ZC3H7A: variants seen among roughly 807,000 people sequenced by gnomAD.
ZC3H7A encodes zinc finger CCCH domain-containing protein 7A.
Under a neutral mutation model 125.5 loss-of-function variants are expected in ZC3H7A, and 44 were observed. The observed-to-expected ratio is 0.35, with a 90% confidence interval of 0.28 to 0.45. The LOEUF (loss-of-function observed/expected upper bound fraction) is 0.45. Among genes scored for constraint, ZC3H7A ranks in the 20% least tolerant of loss-of-function variants. The pLI is 1.00. For synonymous variants in ZC3H7A, 399 were observed against 391.2 expected (o/e 1.02, Z -0.23); for missense variants, 977 against 1,170.7 (o/e 0.83, Z 2.41).
At chr16:11,763,103 A>T in intron 16 of ZC3H7A, 1 of 256,184 alleles carries the variant, frequency 3.9e-6, no homozygotes, top group Non-Finnish European at 7.4e-6. Flanking sequence ...AGGTCTCCAA[A>T]TTCCTTTTTG....
At position 11,765,731 on chromosome 16, in the gene ZC3H7A, C is replaced by T. The variant is rs751247526; in HGVS notation, c.1523-46G>A. ...CAGACATTGAAAACATGGCAATTGG[C>T]CTGTACTCCCAGCTACTTGGGAGGC... is the stretch of plus-strand genomic sequence containing the variant. On this transcript the variant is annotated intron_variant, in intron 13 of 22. Coordinates refer to ENST00000355758, the MANE Select transcript of ZC3H7A (RefSeq NM_014153.4). This position sits in a 1 kb window ranked among gnomAD's most constrained non-coding sequence, Gnocchi z 4.8. The T allele has an allele frequency of 1.9e-5, 29 of 1,564,692 alleles. No homozygotes were observed. The highest frequency in any genetic ancestry group is 2.3e-5 in the Non-Finnish European group (27 of 1,150,454).
rs137889440 is a variant in ZC3H7A, at chr16:11,780,380, G to A, written c.109-1017C>T. Among the ~76,000 whole-genome samples, 520 of 151,954 alleles carry A rather than the reference G, an allele frequency of 3.4e-3. 3 individuals carry two copies. Among genetic ancestry groups the A allele is most frequent in the African/African-American group, 0.011 (467 of 41,440 alleles). On this transcript the variant is annotated intron_variant, in intron 3 of 22. Coordinates refer to ENST00000355758, the MANE Select transcript of ZC3H7A (RefSeq NM_014153.4). Reference sequence around the variant, plus strand: ...AAGTGATCCGCCTGCTTCAGCCTCCGAAAATGCTGGGATTACAGGTGTGAG... The same window carrying A: ...AAGTGATCCGCCTGCTTCAGCCTCCAAAAATGCTGGGATTACAGGTGTGAG...
intron 1 of ZC3H7A, among the ~76,000 whole-genome samples, chr16:11,794,745 T>C (rs1303427777): frequency 6.6e-6 from 1 of 152,254 alleles, no homozygotes; most frequent in African/African-American, 2.4e-5. Context: ...AGAGTTTCTA[T>C]AATTGATTCT....
chr16:11,791,535 C>T (rs1461604954), intron 1 of ZC3H7A, among the ~76,000 whole-genome samples: 1 of 152,154 alleles, frequency 6.6e-6, no homozygotes, highest in Non-Finnish European at 1.5e-5. Flanking sequence ...ATTGTAAGAA[C>T]AAGATCTGGG....
At chr16:11,767,270 G>C (rs2052876383) in intron 13 of ZC3H7A, 147 bp downstream of exon 13, 1 of 621,514 alleles carries the variant, frequency 1.6e-6, no homozygotes, top group Admixed American at 3.9e-5. Context: ...TAGGTGCGTC[G>C]TCGGCTACAC....
Position 11,751,419 on chromosome 16 carries a change from A to T in ZC3H7A, c.2814T>A (p.Asp938Glu). 6.2e-7 allele frequency: 1 copy of T among 1,614,178 alleles called. No individual in the cohort carries two copies. Among genetic ancestry groups the T allele is most frequent in the South Asian group, 1.1e-5 (1 of 91,080 alleles). ...AELHEWEERRDALKMKLNKAR... is the reference protein window; with the variant it reads ...AELHEWEERREALKMKLNKAR... Reference sequence around the variant, plus strand: ...CTTTGTTGAGCTTCATCTTTAGGGCATCTCTTCTTTCTTCCCATTCATGAA... The same window carrying T: ...CTTTGTTGAGCTTCATCTTTAGGGCTTCTCTTCTTTCTTCCCATTCATGAA... Residue 938 changes from aspartate to glutamate, a missense_variant, in exon 23 of 23, where the codon GAT becomes GAA. Coordinates refer to ENST00000355758, the MANE Select transcript of ZC3H7A (RefSeq NM_014153.4).
At chr16:11,781,506 T>C (rs773025415) in intron 2 of ZC3H7A, 42 bp from the exon 3 acceptor site, 2 of 1,594,736 alleles carry the variant, frequency 1.3e-6, no homozygotes, top group Non-Finnish European at 8.6e-7. Context: ...TCAAGCTCCT[T>C]ATCGGGACCT....
Position 11,765,374 on chromosome 16 carries a change from T to C in ZC3H7A, c.1719+115A>G, listed in dbSNP as rs2052837520. On this transcript the variant is annotated intron_variant, in intron 14 of 22. Transcript: ENST00000355758. The surrounding 1 kb of genome is among the most constrained non-coding windows in gnomAD (Gnocchi z 4.8). ...CATAAATATGATATTATTTATCATA[T>C]AAATAAATGAATATTTATTCATTTA... 6 of 695,840 alleles carry C rather than the reference T, an allele frequency of 8.6e-6. No homozygotes were observed. Among genetic ancestry groups the C allele is most frequent in the Non-Finnish European group, 1.3e-5 (6 of 456,158 alleles). The allele number at this position is 695,840 out of a possible 1,614,324, so 43.1% of individuals were successfully genotyped here.
rs1447932587 is a variant in ZC3H7A, at chr16:11,779,188, C to T, written c.284G>A (p.Arg95His). Residue 95 changes from arginine (R) to histidine (H), a missense_variant, in exon 4 of 23, where the codon CGT (arginine) becomes CAT (histidine). This residue lies in a region of ZC3H7A where 199 missense variants were observed against 256.1 expected (regional missense o/e 0.78). Coordinates refer to ENST00000355758, the MANE Select transcript of ZC3H7A (RefSeq NM_014153.4). ...KEIIEKLYIN[R>H]IACYSNMGFH... ...CACCATATTAGAATAGCAGGCAATA[C>T]GATTTATATATAGTTTTTCAATTAT... 1.2e-6 allele frequency: 2 copies of T among 1,601,982 alleles called. No individual in the cohort carries two copies. The highest frequency in any genetic ancestry group is 2.7e-5 in the African/African-American group (2 of 74,496).
In ZC3H7A at chr16:11,790,633, A is replaced by G. The variant is rs556912454; in HGVS notation, c.-35+6491T>C. Reference sequence around the variant, plus strand: ...CGGCTCATTGCAACCTCCGCCTCCCAGGTTCAAGCGATTCTTCTGCCTCAG... The same window carrying G: ...CGGCTCATTGCAACCTCCGCCTCCCGGGTTCAAGCGATTCTTCTGCCTCAG... On this transcript the variant is annotated intron_variant, in intron 1 of 22. Transcript: ENST00000355758. Among the ~76,000 whole-genome samples, 22 of 151,614 alleles carry G rather than the reference A, an allele frequency of 1.5e-4. No homozygotes were observed. The South Asian group carries it at 4.5e-3, about 31-fold the overall frequency.
intron 1 of ZC3H7A, among the ~76,000 whole-genome samples, chr16:11,791,911 G>GT (rs966373066): frequency 6.6e-6 from 1 of 152,098 alleles, no homozygotes. Flanking sequence ...AAGGCACTTT[G>GT]TTTTTTTGTT....
intron 9 of ZC3H7A, among the ~76,000 whole-genome samples, 156 bp downstream of exon 9, chr16:11,774,080 C>G (rs1478167828): frequency 2.0e-5 from 3 of 151,568 alleles, no homozygotes; most frequent in African/African-American, 7.3e-5. Context: ...TCAAATTAAC[C>G]AGTTTCAGTA....
At chr16:11,771,102 A>G in intron 9 of ZC3H7A, 115 bp from the exon 10 acceptor site, 1 of 1,094,994 alleles carries the variant, frequency 9.1e-7, no homozygotes, top group Non-Finnish European at 1.3e-6. Flanking sequence ...ACGTTACATA[A>G]CAAAGTTTAG....
chr16:11,786,273 G>C (rs1350880676), intron 1 of ZC3H7A, among the ~76,000 whole-genome samples: 1 of 152,184 alleles, frequency 6.6e-6, no homozygotes, highest in East Asian at 1.9e-4. Flanking sequence ...ACCCAGAGTA[G>C]TATGCAGGAT....
chr16:11,762,978 G>C (rs1343754696), intron 16 of ZC3H7A: 1 of 447,976 alleles, frequency 2.2e-6, no homozygotes, highest in African/African-American at 2.0e-5. Flanking sequence ...GTATCAACTT[G>C]TATCAGTAAT....
intron 5 of ZC3H7A, 32 bp downstream of exon 5, chr16:11,776,719 C>G (rs776613441): frequency 6.4e-7 from 1 of 1,569,778 alleles, no homozygotes; most frequent in Non-Finnish European, 8.6e-7. Flanking sequence ...TAAATGGTTA[C>G]GATGTAAACA....
At position 11,790,385 on chromosome 16, in the gene ZC3H7A, C is replaced by T. The variant is rs777319403; in HGVS notation, c.-35+6739G>A. ...GTGAATTGTTTGCTCATACCCTCTGCTCATTTTTCTTCCAGGCTGAGCTTT... is the reference window on the plus strand; with the variant it reads ...GTGAATTGTTTGCTCATACCCTCTGTTCATTTTTCTTCCAGGCTGAGCTTT... On this transcript the variant is annotated intron_variant, in intron 1 of 22. Coordinates refer to ENST00000355758, the MANE Select transcript of ZC3H7A (RefSeq NM_014153.4). 3.3e-5 allele frequency among the ~76,000 whole-genome samples: 5 copies of T among 152,320 alleles called. No individual in the cohort carries two copies. In the East Asian group the frequency reaches 5.8e-4, roughly 18 times the overall value.
At chr16:11,782,535 C>T (rs549162706) in intron 1 of ZC3H7A, 147 bp from the exon 2 acceptor site, 51 of 585,522 alleles carry the variant, frequency 8.7e-5, no homozygotes, top group African/African-American at 7.7e-4. Flanking sequence ...CGGCAGGGAC[C>T]GTACAGGAGT....
chr16:11,771,011 T>C, intron 9 of ZC3H7A, 24 bp from the exon 10 acceptor site: 2 of 1,580,082 alleles, frequency 1.3e-6, no homozygotes, highest in Non-Finnish European at 1.7e-6. Context: ...AAAGATGTGA[T>C]TAAAATTCAT....
Sources: allele counts gnomAD v4.1 joint callset (sites outside exome capture counted in the v4.1 genomes callset), GRCh38; gene constraint gnomAD v4.1.1; regional missense constraint gnomAD v4.1.1; non-coding constraint Gnocchi (gnomAD v3.1); transcripts MANE v1.5; gene names NCBI Gene and HGNC (gene_info 2026-07-23, HGNC 2026-07-21).